Variants in UGCG observed in about 807,000 individuals in gnomAD.
UGCG encodes UDP-glucose ceramide glucosyltransferase.
In UGCG, 10 loss-of-function variants were observed where a neutral mutation model predicts 49.5. That is an observed-to-expected ratio of 0.20 (90% CI 0.12 to 0.34). UGCG has a LOEUF of 0.34. UGCG is among the 10% of genes least tolerant of loss of function. UGCG has a pLI of 1.00. For synonymous variants in UGCG, 182 were observed against 158.2 expected, an observed-to-expected ratio of 1.15 and a Z score of -1.13; for missense variants, 312 against 483.7, an observed-to-expected ratio of 0.65 and a Z score of 3.33.
At chr9:111,926,352 C>T (rs1838311722) in intron 4 of UGCG, 32 bp from the exon 5 acceptor site, 2 of 1,516,494 alleles carry the variant, frequency 1.3e-6, no homozygotes, top group Non-Finnish European at 1.8e-6. Flanking sequence ...ATTTTCTTTT[C>T]TCCCCCTCTC....
rs1161714317 is a variant in UGCG at position 111,935,077 on chromosome 9, T to C, written c.*2080T>C. The C allele has an allele frequency of 6.6e-6, 1 of 152,248 alleles. No individual in the cohort carries two copies. Among genetic ancestry groups the C allele is most frequent in the East Asian group, 1.9e-4 (1 of 5,202 alleles). The allele number at this position is 152,248 out of a possible 1,614,324, so 9.4% of individuals were successfully genotyped here. A position where few individuals can be genotyped will look rare whatever the true frequency, so the allele number is the denominator to read the frequency against. ...ATGGCTGGACAGACTTCTTGTGTTT[T>C]GTAAATATAAACTAGGACAGTTCTG... is the stretch of plus-strand genomic sequence containing the variant. On this transcript the variant is annotated 3_prime_UTR_variant, in exon 9 of 9. Coordinates refer to ENST00000374279, the MANE Select transcript of UGCG (RefSeq NM_003358.3).
At chr9:111,932,043 A>C in intron 7 of UGCG, 127 bp from the exon 8 acceptor site, 1 of 1,077,164 alleles carries the variant, frequency 9.3e-7, no homozygotes, top group Non-Finnish European at 1.3e-6. Context: ...AAAACAAAAC[A>C]AAAAAAGTTT....
At chr9:111,915,138 A>G (rs1209579315) in intron 2 of UGCG, 1 of 163,608 alleles carries the variant, frequency 6.1e-6, no homozygotes, top group African/African-American at 2.4e-5. Flanking sequence ...AGCCAGAACT[A>G]AACGTGACTT....
In UGCG at chr9:111,897,112, G is replaced by C; in HGVS notation, c.-104G>C. On this transcript the variant is annotated 5_prime_UTR_variant, in exon 1 of 9. Transcript: ENST00000374279. ...CCTTTCCTCTCCCCACCTTCCTCTC[G>C]CCTCCCGCGCCCCCGCACCGGGCGC... 5.2e-6 allele frequency: 3 copies of C among 575,446 alleles called. No homozygotes were observed. The highest frequency in any genetic ancestry group is 7.6e-6 in the Non-Finnish European group (3 of 394,764). 35.6% of individuals were successfully genotyped at this position (575,446 alleles called of 1,614,324 possible).
intron 7 of UGCG, 62 bp from the exon 8 acceptor site, chr9:111,932,108 A>G (rs759165844): frequency 6.6e-7 from 1 of 1,518,460 alleles, no homozygotes; most frequent in Non-Finnish European, 8.9e-7. Flanking sequence ...TGAGGGAAAA[A>G]AAAAAGGATT....
intron 4 of UGCG, 90 bp from the exon 5 acceptor site, chr9:111,926,291 TAAC>T (rs1305881841): frequency 1.5e-5 from 11 of 715,830 alleles, no homozygotes; most frequent in East Asian, 8.5e-5. Context: ...AAGAATGTAA[TAAC>T]AATTCACAAA....
rs1163672709 is a variant in UGCG at position 111,932,924 on chromosome 9, C to G, written c.1112C>G (p.Pro371Arg). The change falls in exon 9 of 9, where the codon CCA (proline) becomes CGA (arginine). Residue 371 changes from proline to arginine, a missense_variant. By Grantham distance (103) the Pro-to-Arg change is moderately radical. Transcript: ENST00000374279. ...IYIFLSALWD[P>R]TISWRTGRYR... The stretch of plus-strand genomic sequence containing the variant: ...ATTTTTTTGTCTGCATTATGGGACC[C>G]AACTATAAGCTGGAGAACTGGTCGC... 6.2e-7 allele frequency: 1 copy of G among 1,612,756 alleles called. No individual in the cohort carries two copies. Among genetic ancestry groups the G allele is most frequent in the Admixed American group, 1.7e-5 (1 of 59,890 alleles).
chr9:111,932,683 T>C, intron 8 of UGCG, 144 bp from the exon 9 acceptor site: 1 of 752,308 alleles, frequency 1.3e-6, no homozygotes, highest in Non-Finnish European at 2.1e-6. Flanking sequence ...TTGAACGGTA[T>C]AACATGGCAG....
rs185237281 is a variant in UGCG, at chr9:111,903,302, C to T, written c.98+5989C>T. On this transcript the variant is annotated intron_variant, in intron 1 of 8. Coordinates refer to ENST00000374279, the MANE Select transcript of UGCG (RefSeq NM_003358.3). ...GAGACAGACAGGGCGTGGTGGCTCACGCCTGTAATCCCAGCACTTTGGGAG... is the reference window on the plus strand; with the variant it reads ...GAGACAGACAGGGCGTGGTGGCTCATGCCTGTAATCCCAGCACTTTGGGAG... Among the ~76,000 whole-genome samples the T allele has an allele frequency of 9.9e-3, 1,501 of 152,268 alleles. 19 individuals are homozygous for T. Among genetic ancestry groups the T allele is most frequent in the Middle Eastern group, 0.017 (5 of 292 alleles).
intron 1 of UGCG, among the ~76,000 whole-genome samples, chr9:111,905,024 A>G (rs1837854087): frequency 6.6e-6 from 1 of 152,164 alleles, no homozygotes; most frequent in African/African-American, 2.4e-5. Context: ...TTGCCACTGC[A>G]CTCCAACCTG....
chr9:111,932,469 G>A, intron 8 of UGCG, 110 bp downstream of exon 8: 1 of 1,179,938 alleles, frequency 8.5e-7, no homozygotes, highest in Non-Finnish European at 1.2e-6. Flanking sequence ...GCTTCCCATT[G>A]TAGGTTAGTC....
At chr9:111,922,464 C>T (rs1838243858) in intron 2 of UGCG, among the ~76,000 whole-genome samples, 1 of 152,090 alleles carries the variant, frequency 6.6e-6, no homozygotes, top group African/African-American at 2.4e-5. Context: ...TATTTTGCTT[C>T]CTTTTGATGT....
chr9:111,913,905 A>T (rs968366436), intron 1 of UGCG, among the ~76,000 whole-genome samples: 5 of 151,764 alleles, frequency 3.3e-5, no homozygotes, highest in Admixed American at 2.6e-4. Context: ...TTTTTTTCTT[A>T]CTTTCAGTTT....
At chr9:111,901,323 C>T (rs1043064222) in intron 1 of UGCG, among the ~76,000 whole-genome samples, 2 of 152,106 alleles carry the variant, frequency 1.3e-5, no homozygotes, top group Non-Finnish European at 2.9e-5. Flanking sequence ...TGTTCCAAGC[C>T]TTAGTGGAAT....
intron 1 of UGCG, among the ~76,000 whole-genome samples, chr9:111,897,670 G>A (rs3780517): frequency 0.16 from 24,075 of 151,666 alleles, 2,542 homozygotes; most frequent in Admixed American, 0.27. Context: ...TTTTTCTCCC[G>A]ACCTGGGCCA....
Position 111,934,884 on chromosome 9 carries a change from G to GT in UGCG, c.*1892dup, listed in dbSNP as rs1427941726. Reference sequence around the variant, plus strand: ...CTGGTTGTGACCCACTACATGTTTTGTTTTTAATCACTATTACCTGAGTTG... The same window carrying GT: ...CTGGTTGTGACCCACTACATGTTTTGTTTTTTAATCACTATTACCTGAGTTG... On this transcript the variant is annotated 3_prime_UTR_variant, in exon 9 of 9. Coordinates refer to ENST00000374279, the MANE Select transcript of UGCG (RefSeq NM_003358.3). 3 of 152,132 alleles carry GT rather than the reference G, an allele frequency of 2.0e-5. No individual in the cohort carries two copies. The highest frequency in any genetic ancestry group is 7.2e-5 in the African/African-American group (3 of 41,434). The allele number at this position is 152,132 out of a possible 1,614,324, so 9.4% of individuals were successfully genotyped here. A position where few individuals can be genotyped will look rare whatever the true frequency, so the allele number is the denominator to read the frequency against.
chr9:111,922,998 G>A, intron 3 of UGCG, 47 bp downstream of exon 3: 4 of 1,246,668 alleles, frequency 3.2e-6, no homozygotes, highest in Non-Finnish European at 4.7e-6. Flanking sequence ...ATAGTATTAA[G>A]TATCAGTAAT....
At chr9:111,918,134 C>T (rs113460541) in intron 2 of UGCG, among the ~76,000 whole-genome samples, 19,521 of 152,078 alleles carry the variant, frequency 0.13, 1,727 homozygotes, top group East Asian at 0.32. Context: ...TTCCGCCTCC[C>T]GGGTTCAAGC....
intron 1 of UGCG, among the ~76,000 whole-genome samples, chr9:111,909,063 C>T (rs988023838): frequency 5.3e-5 from 8 of 152,238 alleles, no homozygotes; most frequent in Non-Finnish European, 7.4e-5. Flanking sequence ...GAATTATAGG[C>T]GTGTGCCACC....
Sources: gnomAD v4.1 joint callset for allele counts (sites outside exome capture counted in the v4.1 genomes callset) on GRCh38, gnomAD v4.1.1 for gene constraint, MANE v1.5 for transcripts, NCBI Gene and HGNC (gene_info 2026-07-23, HGNC 2026-07-21) for gene names.